ZDHHC17: variants seen among roughly 807,000 people sequenced by gnomAD.
ZDHHC17 encodes the protein palmitoyltransferase ZDHHC17.
In ZDHHC17, 40 loss-of-function variants were observed where a neutral mutation model predicts 90.3. That is an observed-to-expected ratio of 0.44 (90% CI 0.34 to 0.58). The LOEUF is 0.58. ZDHHC17 is among the 20% of genes least tolerant of loss of function. The probability of loss-of-function intolerance (pLI) is 0.01; values close to 1 mark genes in which losing one functional copy is unlikely to be tolerated. For synonymous variants in ZDHHC17, 235 were observed against 252.4 expected, an observed-to-expected ratio of 0.93 and a Z score of 0.65; for missense variants, 614 against 780.8, an observed-to-expected ratio of 0.79 and a Z score of 2.55.
At chr12:76,779,934 C>T (rs1952603402) in intron 1 of ZDHHC17, among the ~76,000 whole-genome samples, 2 of 151,700 alleles carry the variant, frequency 1.3e-5, no homozygotes, top group African/African-American at 2.4e-5. Flanking sequence ...CATTGAATTG[C>T]TTTTACATTG....
intron 1 of ZDHHC17, among the ~76,000 whole-genome samples, chr12:76,783,387 G>C (rs188771779): frequency 9.8e-4 from 149 of 152,300 alleles, no homozygotes; most frequent in African/African-American, 3.5e-3. Context: ...CATGGTGGCA[G>C]GAAAGAGGAG....
At chr12:76,825,285 A>T (rs1376029454) in intron 8 of ZDHHC17, among the ~76,000 whole-genome samples, 1 of 152,230 alleles carries the variant, frequency 6.6e-6, no homozygotes, top group Admixed American at 6.5e-5. Context: ...ATCTATAATT[A>T]TTCCAAAATA....
chr12:76,772,266 T>C (rs560626735), intron 1 of ZDHHC17, among the ~76,000 whole-genome samples: 1 of 152,270 alleles, frequency 6.6e-6, no homozygotes, highest in South Asian at 2.1e-4. Flanking sequence ...ATGGTCTCAT[T>C]TGTGTTTTGT....
intron 7 of ZDHHC17, among the ~76,000 whole-genome samples, chr12:76,818,051 T>C (rs1409009011): frequency 1.3e-5 from 2 of 152,172 alleles, no homozygotes; most frequent in East Asian, 3.8e-4. Flanking sequence ...ATCTGTCACA[T>C]GTAATAGAGG....
chr12:76,837,301 A>G (rs896668746), intron 10 of ZDHHC17, among the ~76,000 whole-genome samples: 2 of 152,084 alleles, frequency 1.3e-5, no homozygotes, highest in Admixed American at 1.3e-4. Context: ...ACACCTGGCT[A>G]TTTTCTATTT....
At chr12:76,795,930 T>C (rs1661427146) in intron 1 of ZDHHC17, among the ~76,000 whole-genome samples, 3 of 152,144 alleles carry the variant, frequency 2.0e-5, no homozygotes, top group Admixed American at 6.5e-5. Context: ...TTAAAGTGTA[T>C]TTTAACATTG....
At chr12:76,777,957 G>A (rs900972087) in intron 1 of ZDHHC17, among the ~76,000 whole-genome samples, 1 of 152,138 alleles carries the variant, frequency 6.6e-6, no homozygotes, top group Non-Finnish European at 1.5e-5. Flanking sequence ...GAAAAAGAGT[G>A]AGAGGGAAAA....
intron 1 of ZDHHC17, among the ~76,000 whole-genome samples, chr12:76,795,162 A>G (rs1486603294): frequency 1.3e-5 from 2 of 152,066 alleles, no homozygotes; most frequent in African/African-American, 4.8e-5. Flanking sequence ...AGCAAAAGGA[A>G]GAGTTAGTGA....
At chr12:76,843,714 A>G (rs1953462210) in intron 12 of ZDHHC17, among the ~76,000 whole-genome samples, 2 of 152,118 alleles carry the variant, frequency 1.3e-5, no homozygotes, top group South Asian at 2.1e-4. Context: ...ATGTTTTTCT[A>G]CATGGAAATT....
chr12:76,812,152 A>G (rs1270059504), intron 5 of ZDHHC17, among the ~76,000 whole-genome samples: 1 of 152,158 alleles, frequency 6.6e-6, no homozygotes, highest in Non-Finnish European at 1.5e-5. Flanking sequence ...CTCAACATGT[A>G]TACACTAATA....
chr12:76,848,354 G>T lies in ZDHHC17; in HGVS notation c.1629G>T (p.Met543Ile). The stretch of plus-strand genomic sequence containing the variant: ...TCCTGAACAGTGTTTTCCACTTCAT[G>T]TGGGTGGCTGTATTACTCATGTGTC... ...WMFLNSVFHFMWVAVLLMCQM... is the reference protein window; with the variant it reads ...WMFLNSVFHFIWVAVLLMCQM... The change falls in exon 15 of 17, where the codon ATG (methionine) becomes ATT (isoleucine). Residue 543 changes from methionine to isoleucine, a missense_variant. Met to Ile is a conservative substitution (Grantham distance 10, BLOSUM62 1). Around this residue, in one of 5 missense-constraint regions of ZDHHC17, gnomAD observed 111 missense variants for 179.8 expected, o/e 0.62. Transcript: ENST00000426126. 6.2e-7 allele frequency: 1 copy of T among 1,613,898 alleles called. No individual in the cohort carries two copies. The highest frequency in any genetic ancestry group is 8.5e-7 in the Non-Finnish European group (1 of 1,179,846).
intron 13 of ZDHHC17, 83 bp from the exon 14 acceptor site, chr12:76,846,513 C>T: frequency 1.0e-6 from 1 of 969,836 alleles, no homozygotes; most frequent in South Asian, 1.5e-5. Context: ...CTGTAGCACA[C>T]CTTTCATGGC....
intron 1 of ZDHHC17, among the ~76,000 whole-genome samples, chr12:76,780,112 A>C (rs1270453462): frequency 6.6e-6 from 1 of 151,986 alleles, no homozygotes; most frequent in Non-Finnish European, 1.5e-5. Context: ...CTCTTTCAAA[A>C]TTGTTTTAGC....
rs1471408330 is a variant in ZDHHC17, at chr12:76,822,545, T to C, written c.897+14T>C. 1 of 1,413,372 alleles carries C rather than the reference T, an allele frequency of 7.1e-7. No homozygotes were observed. The highest frequency in any genetic ancestry group is 1.3e-5 in the South Asian group (1 of 76,072). The allele number at this position is 1,413,372 out of a possible 1,614,324, so 87.6% of individuals were successfully genotyped here. A position where few individuals can be genotyped will look rare whatever the true frequency, so the allele number is the denominator to read the frequency against. On this transcript the variant is annotated intron_variant, in intron 8 of 16. Transcript: ENST00000426126. ...AAAGCTGATAAGGTAAACTCATAACTGAAGATTTTTTTTTTTTTTTTTTTT... is the reference window on the plus strand; with the variant it reads ...AAAGCTGATAAGGTAAACTCATAACCGAAGATTTTTTTTTTTTTTTTTTTT...
chr12:76,819,735 G>A (rs139914976), intron 7 of ZDHHC17, among the ~76,000 whole-genome samples: 9 of 152,274 alleles, frequency 5.9e-5, no homozygotes, highest in African/African-American at 2.2e-4. Context: ...TGTGGCTCAT[G>A]CCTGTAATCC....
chr12:76,788,688 A>ATTTTTTTTTTTTTTTTTTTTTTTTTTTTT (rs763269507), intron 1 of ZDHHC17, among the ~76,000 whole-genome samples: 2 of 98,648 alleles, frequency 2.0e-5, no homozygotes, highest in Admixed American at 1.3e-4. Context: ...TGGAATCGCA[A>ATTTTTTTTTTTTTTTTTTTTTTTTTTTTT]TTTTTTTTTT....
intron 3 of ZDHHC17, among the ~76,000 whole-genome samples, chr12:76,806,636 A>C (rs931617433): frequency 6.6e-6 from 1 of 152,118 alleles, no homozygotes; most frequent in Non-Finnish European, 1.5e-5. Flanking sequence ...CGGCTTCCCA[A>C]AGTGCTGGGA....
At chr12:76,835,181 G>A (rs1398874857) in intron 10 of ZDHHC17, among the ~76,000 whole-genome samples, 2 of 151,726 alleles carry the variant, frequency 1.3e-5, no homozygotes, top group Admixed American at 1.3e-4. Context: ...CTCCTAAGTA[G>A]TTGGAATTAC....
At chr12:76,826,185 T>C (rs1470220913) in intron 8 of ZDHHC17, among the ~76,000 whole-genome samples, 1 of 152,112 alleles carries the variant, frequency 6.6e-6, no homozygotes, top group African/African-American at 2.4e-5. Context: ...GGCTATAAGT[T>C]TGTGAAGGGC....
Sources: gnomAD v4.1 joint callset for allele counts (sites outside exome capture counted in the v4.1 genomes callset) on GRCh38, gnomAD v4.1.1 for gene constraint, gnomAD v4.1.1 regional missense constraint, MANE v1.5 for transcripts, NCBI Gene and HGNC (gene_info 2026-07-23, HGNC 2026-07-21) for gene names.